Variants in NSMAF observed in about 807,000 individuals in gnomAD.
NSMAF encodes the protein neutral sphingomyelinase activation associated factor.
A neutral mutation model predicts 134.9 loss-of-function variants in NSMAF; 90 were observed. The observed-to-expected ratio is 0.67, with a 90% confidence interval of 0.56 to 0.79. The LOEUF is 0.79. Ranked by LOEUF, NSMAF falls within the 30% of genes least tolerant of loss-of-function variation. The pLI is 0.00. For missense variants in NSMAF, 1,010 were observed against 1,119.0 expected, an observed-to-expected ratio of 0.90 and a Z score of 1.39; for synonymous variants, 358 against 389.6, an observed-to-expected ratio of 0.92 and a Z score of 0.96.
chr8:58,602,085 T>C lies in NSMAF; in HGVS notation c.1098A>G (p.Leu366=). ...FRDLSKPVGA[L]NKERLERLLT... ...GTAGTCTCTCCAGCCGTTCCTTATT[T>C]AGGGCCCCTACTGGCTTACTGAGAT... Residue 366 remains leucine, a synonymous_variant, in exon 14 of 31, where the codon CTA becomes CTG. Transcript: ENST00000038176. 1 of 1,613,772 alleles carries C rather than the reference T, an allele frequency of 6.2e-7. No homozygotes were observed. Among genetic ancestry groups the C allele is most frequent in the Non-Finnish European group, 8.5e-7 (1 of 1,179,702 alleles).
chr8:58,659,238 C>G (rs985677441), intron 1 of NSMAF: 9 of 1,499,480 alleles, frequency 6.0e-6, no homozygotes, highest in Non-Finnish European at 7.9e-6. Context: ...GATCCACGCC[C>G]GGACCCCGCG....
intron 1 of NSMAF, among the ~76,000 whole-genome samples, chr8:58,655,192 A>G (rs1807674822): frequency 6.6e-6 from 1 of 151,920 alleles, no homozygotes; most frequent in African/African-American, 2.4e-5. Context: ...GGCTGGTCTC[A>G]AACTCCTGAG....
At chr8:58,658,662 C>T (rs1807777835) in intron 1 of NSMAF, among the ~76,000 whole-genome samples, 1 of 152,190 alleles carries the variant, frequency 6.6e-6, no homozygotes, top group Non-Finnish European at 1.5e-5. Context: ...TAAAATGATT[C>T]AGCCCCCCTT....
intron 1 of NSMAF, among the ~76,000 whole-genome samples, chr8:58,651,894 C>T (rs1807593056): frequency 6.6e-6 from 1 of 152,162 alleles, no homozygotes; most frequent in Non-Finnish European, 1.5e-5. Flanking sequence ...GCGCTGCTGG[C>T]CTGTGGACAA....
chr8:58,585,617 G>A (rs1382251000), intron 30 of NSMAF, 35 bp downstream of exon 30: 1 of 1,447,812 alleles, frequency 6.9e-7, no homozygotes, highest in South Asian at 1.1e-5. Flanking sequence ...ATTATCTTGA[G>A]AACAAAGATC....
rs369528115 is a variant in NSMAF, at chr8:58,601,355, G to C, written c.1217-7C>G. On this transcript the variant is annotated splice_region_variant and splice_polypyrimidine_tract_variant and intron_variant, in intron 15 of 30. Transcript: ENST00000038176. ...CACAGCATATACTCTGGTGCTAGAG[G>C]GGAAAAAGTCAGAGGTAAGTCAGGT... 7.3e-5 allele frequency: 118 copies of C among 1,613,570 alleles called. No individual in the cohort carries two copies. Among genetic ancestry groups the C allele is most frequent in the Non-Finnish European group, 9.8e-5 (116 of 1,179,772 alleles).
intron 9 of NSMAF, among the ~76,000 whole-genome samples, chr8:58,611,886 C>G (rs1319400853): frequency 2.0e-5 from 3 of 152,114 alleles, no homozygotes; most frequent in Non-Finnish European, 4.4e-5. Flanking sequence ...TGGCTGAGAA[C>G]TGATGAAAGA....
intron 21 of NSMAF, chr8:58,595,936 G>T: frequency 3.6e-6 from 1 of 274,272 alleles, no homozygotes. Flanking sequence ...TTATGAATTT[G>T]GGGAAATACA....
At position 58,592,901 on chromosome 8, in the gene NSMAF, AC is replaced by A. The variant is rs1251265395; in HGVS notation, c.1951+1330del. Among the ~76,000 whole-genome samples, 374 of 118,348 alleles carry A rather than the reference AC, an allele frequency of 3.2e-3. 5 individuals are homozygous for A. Among genetic ancestry groups the A allele is most frequent in the African/African-American group, 0.015 (350 of 23,088 alleles). The allele number at this position is 118,348 out of a possible 152,430, so 77.6% of individuals were successfully genotyped here. On this transcript the variant is annotated intron_variant, in intron 23 of 30. Transcript: ENST00000038176. ...GACTCTGTCTCAAAAAAAAACAAAA[AC>A]AAAAACAACAACAACAAAAAAAAAA...
At chr8:58,645,291 C>T (rs1807420771) in intron 1 of NSMAF, among the ~76,000 whole-genome samples, 1 of 151,990 alleles carries the variant, frequency 6.6e-6, no homozygotes. Flanking sequence ...CAAGAGGCTG[C>T]ACACTAGGTA....
chr8:58,595,498 T>C, intron 22 of NSMAF, 62 bp downstream of exon 22: 1 of 1,178,152 alleles, frequency 8.5e-7, no homozygotes, highest in Non-Finnish European at 1.3e-6. Flanking sequence ...TTTAATCCCA[T>C]GCCAAGACCC....
intron 9 of NSMAF, among the ~76,000 whole-genome samples, chr8:58,614,376 C>G (rs1806606579): frequency 6.6e-6 from 1 of 152,110 alleles, no homozygotes; most frequent in Admixed American, 6.5e-5. Flanking sequence ...TAACTAGTGA[C>G]TTCAAGTATT....
intron 27 of NSMAF, among the ~76,000 whole-genome samples, 192 bp downstream of exon 27, chr8:58,587,425 GA>G (rs770985443): frequency 6.6e-6 from 1 of 152,112 alleles, no homozygotes; most frequent in Non-Finnish European, 1.5e-5. Flanking sequence ...GTAACTTGGA[GA>G]AAAAATAAAA....
chr8:58,624,530 A>G (rs1032888355), intron 6 of NSMAF, among the ~76,000 whole-genome samples: 1 of 150,144 alleles, frequency 6.7e-6, no homozygotes, highest in African/African-American at 2.5e-5. Flanking sequence ...TTTTTGAGAG[A>G]ATGTTGTTTA....
Position 58,609,660 on chromosome 8 carries a change from C to G in NSMAF, c.631G>C (p.Gly211Arg), listed in dbSNP as rs1227957249. 78 of 1,614,018 alleles carry G rather than the reference C, an allele frequency of 4.8e-5. No individual in the cohort carries two copies. The highest frequency in any genetic ancestry group is 6.6e-5 in the Non-Finnish European group (78 of 1,179,998). Residue 211 changes from glycine (G) to arginine (R), a missense_variant, in exon 10 of 31, where the codon GGA (glycine) becomes CGA (arginine). Gly to Arg is a moderately radical substitution (Grantham distance 125). Coordinates refer to ENST00000038176, the MANE Select transcript of NSMAF (RefSeq NM_003580.4). ...TTTGTGTCCGTGATGCACACGTGTCCAGGATTAGTCACCAGAGGCGTCACC... is the reference window on the plus strand; with the variant it reads ...TTTGTGTCCGTGATGCACACGTGTCGAGGATTAGTCACCAGAGGCGTCACC... ...EMVTPLVTNP[G>R]HVCITDTNLY... is the part of the protein sequence containing the mutation.
intron 30 of NSMAF, 120 bp from the exon 31 acceptor site, chr8:58,584,320 A>AT (rs1805834807): frequency 5.7e-6 from 4 of 704,468 alleles, no homozygotes; most frequent in African/African-American, 1.8e-5. Context: ...AGTAAGTTCT[A>AT]TTTTTTCTTG....
chr8:58,587,564 G>A lies in NSMAF; in HGVS notation c.2295+54C>T, dbSNP rs527592722. ...CAAAACCAAAAACCTTCTTCCAGCC[G>A]AACCCCTAGACTTTTAAGGTCAGTT... is the stretch of plus-strand genomic sequence containing the variant. On this transcript the variant is annotated intron_variant, in intron 27 of 30. Transcript: ENST00000038176. 359 of 1,486,454 alleles carry A rather than the reference G, an allele frequency of 2.4e-4. No homozygotes were observed. The South Asian group carries it at 3.3e-3, about 14-fold the overall frequency. 92.1% of individuals were successfully genotyped at this position (1,486,454 alleles called of 1,614,324 possible).
chr8:58,589,182 T>A (rs1805965663), intron 26 of NSMAF, among the ~76,000 whole-genome samples: 1 of 147,720 alleles, frequency 6.8e-6, no homozygotes, highest in African/African-American at 2.5e-5. Flanking sequence ...TATATAAATA[T>A]ATGTAATATA....
Position 58,631,728 on chromosome 8 carries a change from C to G in NSMAF, c.334-182G>C, listed in dbSNP as rs568809187. Among the ~76,000 whole-genome samples the G allele has an allele frequency of 4.2e-3, 640 of 151,950 alleles. 7 individuals carry two copies. Among genetic ancestry groups the G allele is most frequent in the Non-Finnish European group, 7.2e-3 (491 of 67,948 alleles). On this transcript the variant is annotated intron_variant, in intron 5 of 30. Coordinates refer to ENST00000038176, the MANE Select transcript of NSMAF (RefSeq NM_003580.4). ...CTTTAAAGTACTGGTGTTAAAATAACAAATATCAAATTAAAAAGAGAATCA... is the reference window on the plus strand; with the variant it reads ...CTTTAAAGTACTGGTGTTAAAATAAGAAATATCAAATTAAAAAGAGAATCA...
Sources: allele counts gnomAD v4.1 joint callset (sites outside exome capture counted in the v4.1 genomes callset), GRCh38; gene constraint gnomAD v4.1.1; transcripts MANE v1.5; gene names NCBI Gene and HGNC (gene_info 2026-07-23, HGNC 2026-07-21).